Variants in PARD3B observed in about 807,000 individuals in gnomAD.
PARD3B encodes par-3 family cell polarity regulator beta, also known as partitioning defective 3 homolog B.
A neutral mutation model predicts 130.2 loss-of-function variants in PARD3B; 103 were observed. That is an observed-to-expected ratio of 0.79 (90% CI 0.67 to 0.93). PARD3B has a LOEUF of 0.93. Among genes scored for constraint, PARD3B ranks in the 40% least tolerant of loss-of-function variants. The probability of loss-of-function intolerance (pLI) is 0.00; values close to 1 mark genes in which losing one functional copy is unlikely to be tolerated. For missense variants in PARD3B, 1,609 were observed against 1,499.2 expected, an observed-to-expected ratio of 1.07 and a Z score of -1.21; for synonymous variants, 583 against 553.2, an observed-to-expected ratio of 1.05 and a Z score of -0.76.
At position 204,820,894 on chromosome 2, in the gene PARD3B, C is replaced by T. The variant is rs370087427; in HGVS notation, c.222+134612C>T. Among the ~76,000 whole-genome samples the T allele has an allele frequency of 7.9e-5, 12 of 152,094 alleles. No individual in the cohort carries two copies. The East Asian group carries it at 9.6e-4, about 12-fold the overall frequency. On this transcript the variant is annotated intron_variant, in intron 2 of 22. Transcript: ENST00000406610. ...AATCCTAGGACTCTTAAGAATTATACTAAATTTACCATATCTGTGTTCTGT... is the reference window on the plus strand; with the variant it reads ...AATCCTAGGACTCTTAAGAATTATATTAAATTTACCATATCTGTGTTCTGT...
intron 2 of PARD3B, among the ~76,000 whole-genome samples, chr2:204,925,503 A>G (rs1417591827): frequency 1.3e-5 from 2 of 152,078 alleles, no homozygotes; most frequent in East Asian, 1.9e-4. Flanking sequence ...AATATATTGG[A>G]AAAAAACAAG....
intron 2 of PARD3B, among the ~76,000 whole-genome samples, chr2:204,717,464 C>T (rs1384195567): frequency 2.6e-5 from 4 of 152,108 alleles, no homozygotes; most frequent in African/African-American, 9.7e-5. Context: ...CCCATGTTAT[C>T]CCTGTCACGT....
At chr2:204,783,079 G>C (rs975086542) in intron 2 of PARD3B, among the ~76,000 whole-genome samples, 21 of 152,066 alleles carry the variant, frequency 1.4e-4, no homozygotes, top group African/African-American at 4.3e-4. Context: ...TACTTTTCCT[G>C]CTAAGCTGCT....
intron 20 of PARD3B, among the ~76,000 whole-genome samples, chr2:205,491,008 C>T (rs551512706): frequency 3.9e-5 from 6 of 151,934 alleles, no homozygotes; most frequent in Admixed American, 1.3e-4. Context: ...GGATATTAGA[C>T]CTTTGTCAGA....
chr2:204,887,909 A>T lies in PARD3B; in HGVS notation c.223-77243A>T, dbSNP rs749277045. ...CACTATGGATTTGAGAAGCCAGAAA[A>T]GTCCTTAGAGAGGAGGTGAAATTTG... On this transcript the variant is annotated intron_variant, in intron 2 of 22. Coordinates refer to ENST00000406610, the MANE Select transcript of PARD3B (RefSeq NM_001302769.2). This position sits in a 1 kb window ranked among gnomAD's most constrained non-coding sequence, Gnocchi z 4.2. Among the ~76,000 whole-genome samples the T allele has an allele frequency of 2.6e-5, 4 of 152,148 alleles. No individual in the cohort carries two copies. The highest frequency in any genetic ancestry group is 4.4e-5 in the Non-Finnish European group (3 of 68,036).
At chr2:205,251,103 A>G (rs1279237526) in intron 16 of PARD3B, among the ~76,000 whole-genome samples, 6 of 152,182 alleles carry the variant, frequency 3.9e-5, no homozygotes, top group African/African-American at 1.4e-4. Context: ...ACACATATCA[A>G]GCTATCTGAT....
intron 1 of PARD3B, among the ~76,000 whole-genome samples, chr2:204,615,108 T>C (rs2034063228): frequency 6.6e-6 from 1 of 152,176 alleles, no homozygotes; most frequent in South Asian, 2.1e-4. Flanking sequence ...GCGTTCAATC[T>C]TTTTTTAATA....
At position 205,525,907 on chromosome 2, in the gene PARD3B, A is replaced by G. The variant is rs1055093495; in HGVS notation, c.3180+25876A>G. On this transcript the variant is annotated intron_variant, in intron 21 of 22. Coordinates refer to ENST00000406610, the MANE Select transcript of PARD3B (RefSeq NM_001302769.2). The surrounding 1 kb of genome is among the most constrained non-coding windows in gnomAD (Gnocchi z 4.2). ...CAAGAAAATCTGATCCTTTTTCAAA[A>G]ATCATCTTAGAATCGAACCAGTCTT... Among the ~76,000 whole-genome samples the G allele has an allele frequency of 6.6e-6, 1 of 152,098 alleles. No homozygotes were observed. Among genetic ancestry groups the G allele is most frequent in the Non-Finnish European group, 1.5e-5 (1 of 67,994 alleles).
At chr2:204,748,166 G>A (rs1051795923) in intron 2 of PARD3B, among the ~76,000 whole-genome samples, 1 of 152,084 alleles carries the variant, frequency 6.6e-6, no homozygotes, top group Admixed American at 6.6e-5. Context: ...CTCAAAGACA[G>A]GTTGGAATGC....
chr2:205,368,911 C>G (rs1343322360), intron 18 of PARD3B, among the ~76,000 whole-genome samples: 1 of 151,868 alleles, frequency 6.6e-6, no homozygotes, highest in East Asian at 1.9e-4. Flanking sequence ...TAACTCTTCT[C>G]TATGACTTGT....
chr2:205,262,439 ACAATAC>A (rs1262329530), intron 16 of PARD3B, among the ~76,000 whole-genome samples: 1 of 152,076 alleles, frequency 6.6e-6, no homozygotes, highest in African/African-American at 2.4e-5. Context: ...CTTTGCACAC[ACAATAC>A]CCTTGGCTCC....
intron 4 of PARD3B, among the ~76,000 whole-genome samples, chr2:205,084,973 T>C (rs960796336): frequency 6.6e-6 from 1 of 152,044 alleles, no homozygotes; most frequent in African/African-American, 2.4e-5. Flanking sequence ...TTGAAGATTA[T>C]ACCGAAGTTT....
At chr2:204,927,118 G>A (rs773239661) in intron 2 of PARD3B, among the ~76,000 whole-genome samples, 6 of 152,086 alleles carry the variant, frequency 3.9e-5, no homozygotes, top group Non-Finnish European at 8.8e-5. Flanking sequence ...TAGGACTAAA[G>A]AATAATACAT....
rs2053584178 is a variant in PARD3B at position 205,572,234 on chromosome 2, A to G, written c.3260+18831A>G. The stretch of plus-strand genomic sequence containing the variant: ...TGGGAAGAGAGTAGAAGAATGACAA[A>G]TTATAGATTATTTCAGTCAAGTAGA... On this transcript the variant is annotated intron_variant, in intron 22 of 22. Transcript: ENST00000406610. The surrounding 1 kb of genome is among the most constrained non-coding windows in gnomAD (Gnocchi z 4.2). 6.6e-6 allele frequency among the ~76,000 whole-genome samples: 1 copy of G among 151,840 alleles called. No individual in the cohort carries two copies. Among genetic ancestry groups the G allele is most frequent in the African/African-American group, 2.4e-5 (1 of 41,104 alleles).
chr2:205,354,026 C>CTTTTTTTTTTTTTTTTTTTTTT (rs869308018), intron 18 of PARD3B, among the ~76,000 whole-genome samples: 4 of 50,364 alleles, frequency 7.9e-5, no homozygotes, highest in African/African-American at 1.9e-4. Context: ...TTTTCTTTTC[C>CTTTTTTTTTTTTTTTTTTTTTT]TTTTTTTTTT....
intron 11 of PARD3B, among the ~76,000 whole-genome samples, chr2:205,159,438 A>G (rs1424193669): frequency 6.6e-6 from 1 of 152,188 alleles, no homozygotes; most frequent in African/African-American, 2.4e-5. Flanking sequence ...GTTTCCAGAA[A>G]AAGAAGGAAG....
At chr2:205,426,905 G>A (rs1210106199) in intron 19 of PARD3B, among the ~76,000 whole-genome samples, 6 of 152,054 alleles carry the variant, frequency 3.9e-5, no homozygotes, top group Non-Finnish European at 8.8e-5. Context: ...CTATTCAAAG[G>A]CCTTTGAAAA....
rs183959342 is a variant in PARD3B at position 204,945,716 on chromosome 2, A to G, written c.223-19436A>G. Among the ~76,000 whole-genome samples the G allele has an allele frequency of 6.4e-3, 971 of 152,300 alleles. 2 individuals are homozygous for G. The highest frequency in any genetic ancestry group is 0.01 in the Non-Finnish European group (714 of 68,024). ...TTAGGATGGAAGGTCTAACAAACACAAGCACAAATTATAGGTCATAAAACC... is the reference window on the plus strand; with the variant it reads ...TTAGGATGGAAGGTCTAACAAACACGAGCACAAATTATAGGTCATAAAACC... On this transcript the variant is annotated intron_variant, in intron 2 of 22. Coordinates refer to ENST00000406610, the MANE Select transcript of PARD3B (RefSeq NM_001302769.2).
intron 19 of PARD3B, among the ~76,000 whole-genome samples, chr2:205,436,906 G>T (rs987819511): frequency 3.4e-5 from 5 of 146,048 alleles, no homozygotes; most frequent in Non-Finnish European, 7.6e-5. Flanking sequence ...CCTCCATGAA[G>T]TTTTTTTTTT....
Sources: allele counts gnomAD v4.1 joint callset (sites outside exome capture counted in the v4.1 genomes callset), GRCh38; gene constraint gnomAD v4.1.1; non-coding constraint Gnocchi (gnomAD v3.1); transcripts MANE v1.5; gene names NCBI Gene and HGNC (gene_info 2026-07-23, HGNC 2026-07-21).